Variants in DYNC2H1 observed in about 807,000 individuals in gnomAD.
The protein encoded by DYNC2H1 is dynein cytoplasmic 2 heavy chain 1.
A neutral mutation model predicts 570.0 loss-of-function variants in DYNC2H1; 410 were observed. The ratio of observed to expected loss-of-function variants is 0.72; its 90% CI spans 0.66 to 0.78. DYNC2H1 has a LOEUF of 0.78. Ranked by LOEUF, DYNC2H1 falls within the 30% of genes least tolerant of loss-of-function variation. DYNC2H1 has a pLI of 0.00. For synonymous variants in DYNC2H1, 1,688 were observed against 1,677.6 expected (o/e 1.01, Z -0.15); for missense variants, 4,865 against 5,046.4 (o/e 0.96, Z 1.09).
chr11:103,211,102 A>G (rs1863137450), intron 53 of DYNC2H1, among the ~76,000 whole-genome samples: 1 of 152,026 alleles, frequency 6.6e-6, no homozygotes, highest in South Asian at 2.1e-4. Flanking sequence ...AAGTAATAAT[A>G]ATGGAGGAAG....
At position 103,324,603 on chromosome 11, in the gene DYNC2H1, A is replaced by G. The variant is rs1938374240; in HGVS notation, c.12039+613A>G. Among the ~76,000 whole-genome samples the G allele has an allele frequency of 6.6e-6, 1 of 152,068 alleles. No homozygotes were observed. The highest frequency in any genetic ancestry group is 1.5e-5 in the Non-Finnish European group (1 of 68,030). On this transcript the variant is annotated intron_variant, in intron 82 of 88. Transcript: ENST00000375735. This position sits in a 1 kb window ranked among gnomAD's most constrained non-coding sequence, Gnocchi z 5.2. The stretch of plus-strand genomic sequence containing the variant: ...TCTATGTATCACATTTTCTTTATTC[A>G]GTCTACCATTGATGGCCATTTAGGT...
chr11:103,354,206 C>CCTGTTTAGCCTG (rs925090475), intron 82 of DYNC2H1, among the ~76,000 whole-genome samples: 1 of 149,336 alleles, frequency 6.7e-6, no homozygotes, highest in Non-Finnish European at 1.5e-5. Context: ...AAAAAAATCT[C>CCTGTTTAGCCTG]CTGTTTAGCC....
rs202015615 is a variant in DYNC2H1 at position 103,220,768 on chromosome 11, G to T, written c.9092G>T (p.Trp3031Leu). ...TTGATGGGTATCTTTGATACATCTT[G>T]GGTGAGCATGAAAAGGTACATTTTT... is the stretch of plus-strand genomic sequence containing the variant. The part of the protein sequence containing the change: ...LRLMGIFDTS[W>L]VSMKSFLAKR... The change falls in exon 57 of 89, where the codon TGG (tryptophan) becomes TTG (leucine). Residue 3031 changes from tryptophan (W) to leucine (L), a missense_variant. By Grantham distance (61) the Trp-to-Leu change is moderately conservative. This residue lies in a region of DYNC2H1 where 2,401 missense variants were observed against 2,454.6 expected (regional missense o/e 0.98). Transcript: ENST00000375735. 3.1e-6 allele frequency: 5 copies of T among 1,607,112 alleles called. No individual in the cohort carries two copies. The East Asian group carries it at 1.1e-4, about 36-fold the overall frequency.
chr11:103,394,729 T>C (rs1942319039), intron 83 of DYNC2H1, among the ~76,000 whole-genome samples: 2 of 152,034 alleles, frequency 1.3e-5, no homozygotes, highest in Non-Finnish European at 2.9e-5. Flanking sequence ...TGAAATAAGG[T>C]TGGTGCAAAA....
intron 84 of DYNC2H1, among the ~76,000 whole-genome samples, chr11:103,419,775 T>G (rs1943416415): frequency 6.6e-6 from 1 of 152,052 alleles, no homozygotes; most frequent in African/African-American, 2.4e-5. Flanking sequence ...AGAACTGGGC[T>G]GAGGCTGAGA....
intron 82 of DYNC2H1, among the ~76,000 whole-genome samples, chr11:103,343,024 C>T (rs61896779): frequency 0.22 from 32,963 of 152,016 alleles, 3,724 homozygotes; most frequent in Admixed American, 0.31. Flanking sequence ...GTGACTAGCA[C>T]GGCCACTGGA....
At chr11:103,362,005 GC>G (rs1940665868) in intron 83 of DYNC2H1, among the ~76,000 whole-genome samples, 1 of 152,104 alleles carries the variant, frequency 6.6e-6, no homozygotes, top group African/African-American at 2.4e-5. Flanking sequence ...AGATTTAAAG[GC>G]TGACTAGAGA....
chr11:103,306,644 AG>A (rs1867296261), intron 77 of DYNC2H1, among the ~76,000 whole-genome samples: 1 of 152,134 alleles, frequency 6.6e-6, no homozygotes, highest in African/African-American at 2.4e-5. Flanking sequence ...CAATGTTTTT[AG>A]GGCCATTCTT....
intron 85 of DYNC2H1, among the ~76,000 whole-genome samples, chr11:103,444,439 G>A (rs1188158187): frequency 6.6e-6 from 1 of 151,996 alleles, no homozygotes; most frequent in African/African-American, 2.4e-5. Flanking sequence ...AGTAACATCT[G>A]TCCTTATACA....
At position 103,259,944 on chromosome 11, in the gene DYNC2H1, G is replaced by A. The variant is rs1453829346; in HGVS notation, c.10662G>A (p.Met3554Ile). The change falls in exon 70 of 89, where the codon ATG becomes ATA. Residue 3554 changes from methionine to isoleucine, a missense_variant. Physicochemically the swap from Met to Ile is conservative, Grantham distance 10. Coordinates refer to ENST00000375735, the MANE Select transcript of DYNC2H1 (RefSeq NM_001377.3). The stretch of plus-strand genomic sequence containing the variant: ...CACTTATCAGCTCATTACAACATAT[G>A]GTATATGAATATATATGTCGTTGTC... ...IQSLISSLQH[M>I]VYEYICRCLF... 1.3e-6 allele frequency: 2 copies of A among 1,530,540 alleles called. No individual in the cohort carries two copies. Among genetic ancestry groups the A allele is most frequent in the Non-Finnish European group, 1.8e-6 (2 of 1,136,798 alleles). The allele number at this position is 1,530,540 out of a possible 1,614,324, so 94.8% of individuals were successfully genotyped here.
At chr11:103,468,194 T>C (rs1184513513) in intron 87 of DYNC2H1, among the ~76,000 whole-genome samples, 2 of 152,016 alleles carry the variant, frequency 1.3e-5, no homozygotes, top group East Asian at 3.9e-4. Flanking sequence ...ATTCTATTCC[T>C]TAAAAGGTGT....
In DYNC2H1 at chr11:103,114,212, T is replaced by A; in HGVS notation, c.476T>A (p.Leu159Ter). Residue 159 changes from leucine (L) to a stop codon, truncating the protein, a stop_gained, in exon 3 of 89, where the codon TTG (leucine) becomes TAG (stop). Transcript: ENST00000375735. LOFTEE classifies it high-confidence loss of function. ...AGATCAGACACTAACTTAACAAAAT[T>A]GAAATTTAAGGAAGATGACACACGA... ...LRRSDTNLTKLKFKEDDTRGI... is the reference protein window; with the variant it reads ...LRRSDTNLTK 1 of 1,596,590 alleles carries A rather than the reference T, an allele frequency of 6.3e-7. No homozygotes were observed. The highest frequency in any genetic ancestry group is 8.5e-7 in the Non-Finnish European group (1 of 1,170,550).
At position 103,181,843 on chromosome 11, in the gene DYNC2H1, T is replaced by C. The variant is rs1333108767; in HGVS notation, c.6434T>C (p.Ile2145Thr). ...TATAGAAATAATCTTGAAAATTGGA[T>C]TGGAGATTATTTTGAAAAGGCTTTA... is the stretch of plus-strand genomic sequence containing the variant. Reference protein sequence around the residue: ...AEYRNNLENWIGDYFEKALQW... With the variant: ...AEYRNNLENWTGDYFEKALQW... The change falls in exon 40 of 89, where the codon ATT (isoleucine) becomes ACT (threonine). Residue 2145 changes from isoleucine to threonine, a missense_variant. Coordinates refer to ENST00000375735, the MANE Select transcript of DYNC2H1 (RefSeq NM_001377.3). This position sits in a 1 kb window ranked among gnomAD's most constrained non-coding sequence, Gnocchi z 5.0. 4 of 1,602,430 alleles carry C rather than the reference T, an allele frequency of 2.5e-6. No individual in the cohort carries two copies. The highest frequency in any genetic ancestry group is 3.4e-6 in the Non-Finnish European group (4 of 1,173,558).
rs1389050754 is a variant in DYNC2H1, at chr11:103,325,243, T to C, written c.12039+1253T>C. On this transcript the variant is annotated intron_variant, in intron 82 of 88. Transcript: ENST00000375735. This position sits in a 1 kb window ranked among gnomAD's most constrained non-coding sequence, Gnocchi z 4.8. The stretch of plus-strand genomic sequence containing the variant: ...CTCATTTGACAATTTTTGTTTGGGT[T>C]GCAATTGCTGTTGGCATCTTTGTCA... Among the ~76,000 whole-genome samples, 1 of 152,236 alleles carries C rather than the reference T, an allele frequency of 6.6e-6. No individual in the cohort carries two copies.
At chr11:103,420,588 A>G (rs1031956099) in intron 84 of DYNC2H1, among the ~76,000 whole-genome samples, 21 of 152,314 alleles carry the variant, frequency 1.4e-4, no homozygotes, top group African/African-American at 4.1e-4. Context: ...ATTCTTAAAG[A>G]AAAGAATATT....
intron 82 of DYNC2H1, among the ~76,000 whole-genome samples, chr11:103,344,849 G>A (rs1939655864): frequency 6.6e-6 from 1 of 152,062 alleles, no homozygotes; most frequent in Non-Finnish European, 1.5e-5. Flanking sequence ...AGGATATAAT[G>A]AAACCCATGA....
At chr11:103,113,996 T>C in intron 2 of DYNC2H1, 107 bp from the exon 3 acceptor site, 1 of 1,258,702 alleles carries the variant, frequency 7.9e-7, no homozygotes, top group Non-Finnish European at 1.1e-6. Flanking sequence ...GAAGTGGAGG[T>C]AGTGGCAGGC....
rs61899768 is a variant in DYNC2H1, at chr11:103,205,314, A to G, written c.8454+350A>G. 0.089 allele frequency among the ~76,000 whole-genome samples: 13,478 copies of G among 152,202 alleles called. 787 individuals are homozygous for G. Among genetic ancestry groups the G allele is most frequent in the Non-Finnish European group, 0.12 (8,140 of 67,994 alleles). ...TAAATCCTTAAAAAATATCATCACT[A>G]TGCTGTGTGTTTGGAGGGGGATGAG... is the stretch of plus-strand genomic sequence containing the variant. On this transcript the variant is annotated intron_variant, in intron 52 of 88. Coordinates refer to ENST00000375735, the MANE Select transcript of DYNC2H1 (RefSeq NM_001377.3). This position sits in a 1 kb window ranked among gnomAD's most constrained non-coding sequence, Gnocchi z 4.5.
intron 1 of DYNC2H1, among the ~76,000 whole-genome samples, chr11:103,111,325 A>C (rs1164966346): frequency 6.6e-6 from 1 of 152,254 alleles, no homozygotes; most frequent in East Asian, 1.9e-4. Flanking sequence ...GACTCTGTCA[A>C]GCACTGTTCT....
Sources: allele counts gnomAD v4.1 joint callset (sites outside exome capture counted in the v4.1 genomes callset), GRCh38; gene constraint gnomAD v4.1.1; regional missense constraint gnomAD v4.1.1; non-coding constraint Gnocchi (gnomAD v3.1); transcripts MANE v1.5; gene names NCBI Gene and HGNC (gene_info 2026-07-23, HGNC 2026-07-21).